SMC1B: variants seen among roughly 807,000 people sequenced by gnomAD.
SMC1B encodes the protein structural maintenance of chromosomes protein 1B.
A neutral mutation model predicts 157.9 loss-of-function variants in SMC1B; 60 were observed. The ratio of observed to expected loss-of-function variants is 0.38; its 90% CI spans 0.31 to 0.47. The LOEUF is 0.47. SMC1B is among the 20% of genes least tolerant of loss of function. SMC1B has a pLI of 0.99. For missense variants in SMC1B, 1,165 were observed against 1,426.2 expected (o/e 0.82, Z 2.95); for synonymous variants, 445 against 483.0 (o/e 0.92, Z 1.03).
chr22:45,404,208 T>G (rs1259516376), intron 4 of SMC1B, among the ~76,000 whole-genome samples: 1 of 151,592 alleles, frequency 6.6e-6, no homozygotes, highest in East Asian at 2.0e-4. Context: ...TCCCAAAGTG[T>G]TGGGATTATA....
chr22:45,358,925 A>C, intron 18 of SMC1B, 130 bp from the exon 19 acceptor site: 1 of 495,496 alleles, frequency 2.0e-6, no homozygotes, highest in Non-Finnish European at 3.6e-6. Context: ...CTTAACAGAC[A>C]TATAATAATA....
chr22:45,398,050 G>C (rs1454089432), intron 6 of SMC1B, among the ~76,000 whole-genome samples: 1 of 152,190 alleles, frequency 6.6e-6, no homozygotes, highest in Non-Finnish European at 1.5e-5. Context: ...GGCCGAGCAA[G>C]CCCCAGAGCT....
intron 23 of SMC1B, among the ~76,000 whole-genome samples, chr22:45,348,042 C>T (rs2086569779): frequency 6.6e-6 from 1 of 152,206 alleles, no homozygotes; most frequent in African/African-American, 2.4e-5. Flanking sequence ...GCAGACCCCA[C>T]TCTCATGTCC....
intron 12 of SMC1B, among the ~76,000 whole-genome samples, chr22:45,376,716 G>T (rs2086887063): frequency 1.0e-5 from 1 of 98,960 alleles, no homozygotes; most frequent in East Asian, 2.6e-4. Flanking sequence ...ATTAAATATA[G>T]TTTTTTTTTT....
chr22:45,410,697 C>T (rs1231955687), intron 1 of SMC1B, among the ~76,000 whole-genome samples: 1 of 152,108 alleles, frequency 6.6e-6, no homozygotes, highest in Non-Finnish European at 1.5e-5. Flanking sequence ...AGCAAGACTC[C>T]ATCTCAAGAC....
At chr22:45,408,977 C>A in intron 1 of SMC1B, 79 bp from the exon 2 acceptor site, 1 of 829,186 alleles carries the variant, frequency 1.2e-6, no homozygotes, top group South Asian at 2.2e-5. Flanking sequence ...ATCAGGCCAC[C>A]AATCGAAGTG....
chr22:45,409,861 T>G (rs1478436000), intron 1 of SMC1B, among the ~76,000 whole-genome samples: 1 of 152,230 alleles, frequency 6.6e-6, no homozygotes, highest in Admixed American at 6.5e-5. Context: ...TCTGAACATA[T>G]GCTTTCTTTC....
At chr22:45,369,823 C>T (rs551017294) in intron 15 of SMC1B, 131 bp downstream of exon 15, 108 of 583,344 alleles carry the variant, frequency 1.9e-4, no homozygotes, top group Non-Finnish European at 3.0e-4. Context: ...GGATTACAAG[C>T]GTAAGCCACC....
At chr22:45,354,251 A>G in intron 20 of SMC1B, 119 bp from the exon 21 acceptor site, 1 of 736,938 alleles carries the variant, frequency 1.4e-6, no homozygotes, top group Non-Finnish European at 2.1e-6. Flanking sequence ...GAGTAAAGGT[A>G]CCTTCAAAAT....
chr22:45,392,547 T>C (rs1227548552), intron 9 of SMC1B, among the ~76,000 whole-genome samples: 1 of 152,052 alleles, frequency 6.6e-6, no homozygotes, highest in Non-Finnish European at 1.5e-5. Flanking sequence ...ATCTAGATTT[T>C]GTGACCTAGA....
Position 45,349,747 on chromosome 22 carries a change from T to C in SMC1B, c.3476A>G (p.Asp1159Gly). 1.2e-6 allele frequency: 2 copies of C among 1,613,224 alleles called. No individual in the cohort carries two copies. The highest frequency in any genetic ancestry group is 1.7e-6 in the Non-Finnish European group (2 of 1,179,764). Reference sequence around the variant, plus strand: ...ACTTACTTTGCCTATGTTAGTATTGTCTAGGGCTGCATCCACTTCATCTAA... The same window carrying C: ...ACTTACTTTGCCTATGTTAGTATTGCCTAGGGCTGCATCCACTTCATCTAA... ...FVLDEVDAAL[D>G]NTNIGKVSSY... Residue 1159 changes from aspartate to glycine, a missense_variant, in exon 23 of 25, where the codon GAC becomes GGC. Physicochemically the swap from Asp to Gly is moderately conservative, Grantham distance 94. Coordinates refer to ENST00000357450, the MANE Select transcript of SMC1B (RefSeq NM_148674.5).
chr22:45,376,758 G>T (rs1399499138), intron 12 of SMC1B, among the ~76,000 whole-genome samples: 1 of 151,384 alleles, frequency 6.6e-6, no homozygotes, highest in Non-Finnish European at 1.5e-5. Context: ...CTGATGCCAT[G>T]ACTCAATAAT....
At chr22:45,406,438 T>C in intron 4 of SMC1B, 22 bp downstream of exon 4, 1 of 1,591,814 alleles carries the variant, frequency 6.3e-7, no homozygotes, top group Admixed American at 1.8e-5. Flanking sequence ...CAACTAATGG[T>C]TACATCTTCA....
intron 12 of SMC1B, among the ~76,000 whole-genome samples, chr22:45,373,485 T>C (rs564156590): frequency 6.6e-6 from 1 of 152,372 alleles, no homozygotes; most frequent in South Asian, 2.1e-4. Context: ...CATTAACCTG[T>C]AAGGTACCTG....
chr22:45,377,755 C>T (rs1001500658), intron 12 of SMC1B, among the ~76,000 whole-genome samples: 9 of 151,858 alleles, frequency 5.9e-5, no homozygotes, highest in Non-Finnish European at 1.0e-4. Flanking sequence ...AGGCTGGTCT[C>T]GAACTCCTGG....
chr22:45,395,539 C>A (rs563186007), intron 7 of SMC1B, among the ~76,000 whole-genome samples: 1 of 152,066 alleles, frequency 6.6e-6, no homozygotes, highest in Admixed American at 6.6e-5. Flanking sequence ...AATTTTTATG[C>A]GATCTGACAA....
chr22:45,350,729 C>T (rs2086606828), intron 22 of SMC1B, among the ~76,000 whole-genome samples: 1 of 152,168 alleles, frequency 6.6e-6, no homozygotes, highest in African/African-American at 2.4e-5. Context: ...CAGTTAATGG[C>T]AGCTCTTATT....
chr22:45,381,892 C>T (rs994226214), intron 12 of SMC1B, among the ~76,000 whole-genome samples: 1 of 152,048 alleles, frequency 6.6e-6, no homozygotes, highest in Non-Finnish European at 1.5e-5. Flanking sequence ...TTGAATCAAC[C>T]AAGGAAGAAA....
intron 22 of SMC1B, among the ~76,000 whole-genome samples, chr22:45,350,910 C>T (rs1038851945): frequency 2.0e-5 from 3 of 152,194 alleles, no homozygotes; most frequent in African/African-American, 7.2e-5. Flanking sequence ...CTGTGCCTGC[C>T]ACTGCTGCAT....
Sources: allele counts gnomAD v4.1 joint callset (sites outside exome capture counted in the v4.1 genomes callset), GRCh38; gene constraint gnomAD v4.1.1; transcripts MANE v1.5; gene names NCBI Gene and HGNC (gene_info 2026-07-23, HGNC 2026-07-21).